Variants in ZNF532 observed in about 807,000 individuals in gnomAD.
ZNF532 encodes zinc finger protein 532.
ZNF532 carries 22 observed loss-of-function variants against 89.3 expected under a neutral mutation model. The observed-to-expected ratio is 0.25, with a 90% CI of 0.18 to 0.35. The LOEUF (loss-of-function observed/expected upper bound fraction) is 0.35, where lower values mean the gene tolerates loss of function less well. Ranked by LOEUF, ZNF532 falls within the 10% of genes least tolerant of loss-of-function variation. The probability of loss-of-function intolerance (pLI) is 1.00; values close to 1 mark genes in which losing one functional copy is unlikely to be tolerated. For synonymous variants in ZNF532, 606 were observed against 649.6 expected, an observed-to-expected ratio of 0.93 and a Z score of 1.02; for missense variants, 1,132 against 1,643.4, an observed-to-expected ratio of 0.69 and a Z score of 5.38.
intron 2 of ZNF532, among the ~76,000 whole-genome samples, chr18:58,893,896 C>A (rs1443155160): frequency 6.6e-6 from 1 of 152,108 alleles, no homozygotes; most frequent in Non-Finnish European, 1.5e-5. Context: ...TGTGGATCAG[C>A]TGGGTGGTTC....
At chr18:58,945,952 A>G (rs1240343076) in intron 5 of ZNF532, among the ~76,000 whole-genome samples, 1 of 152,042 alleles carries the variant, frequency 6.6e-6, no homozygotes, top group Non-Finnish European at 1.5e-5. Flanking sequence ...GTTGGTCTCA[A>G]TCTCCTGACC....
At chr18:58,869,772 T>G (rs1037181741) in intron 2 of ZNF532, among the ~76,000 whole-genome samples, 17 of 149,826 alleles carry the variant, frequency 1.1e-4, no homozygotes, top group African/African-American at 3.9e-4. Context: ...GTTTTTTTTT[T>G]TTTTTTTTTT....
At chr18:58,893,605 C>T (rs1033226940) in intron 2 of ZNF532, among the ~76,000 whole-genome samples, 1 of 148,654 alleles carries the variant, frequency 6.7e-6, no homozygotes, top group African/African-American at 2.5e-5. Flanking sequence ...CACAGTGACT[C>T]GTTATCATGT....
chr18:58,880,773 T>TGTG (rs1568227838), intron 2 of ZNF532, among the ~76,000 whole-genome samples: 1 of 131,744 alleles, frequency 7.6e-6, no homozygotes, highest in Admixed American at 7.7e-5. Flanking sequence ...CGCGCGCGCG[T>TGTG]CTGTGTGTGT....
Position 58,920,462 on chromosome 18 carries a change from G to T in ZNF532, c.2175G>T (p.Gly725=), listed in dbSNP as rs1384570839. ...TVTKIQSGIT[G]TVISAPSSTP... ...CAAAAATTCAGTCTGGCATAACTGG[G>T]ACAGTCATATCGGCTCCTTCAAGCA... The change falls in exon 3 of 10, where the codon GGG becomes GGT. Residue 725 remains glycine, a synonymous_variant. Transcript: ENST00000591808. 1 of 1,613,890 alleles carries T rather than the reference G, an allele frequency of 6.2e-7. No homozygotes were observed. Among genetic ancestry groups the T allele is most frequent in the Admixed American group, 1.7e-5 (1 of 60,014 alleles).
intron 2 of ZNF532, among the ~76,000 whole-genome samples, chr18:58,900,615 G>A (rs150458888): frequency 6.6e-6 from 1 of 152,262 alleles, no homozygotes; most frequent in Non-Finnish European, 1.5e-5. Context: ...TGATCTGGTG[G>A]TCACCTGCCC....
rs760319856 is a variant in ZNF532 at position 58,919,152 on chromosome 18, G to C, written c.865G>C (p.Glu289Gln). 4.3e-6 allele frequency: 7 copies of C among 1,614,072 alleles called. No individual in the cohort carries two copies. The African/African-American group carries it at 9.3e-5, about 22-fold the overall frequency. ...AKKAASDSCK[E>Q]PVANSRESSP... is the part of the protein sequence containing the mutation. ...AAAGGCGGCTTCAGACTCCTGCAAA[G>C]AACCAGTGGCCAATTCGAGGGAATC... Residue 289 changes from glutamate to glutamine, a missense_variant, in exon 3 of 10, where the codon GAA (glutamate) becomes CAA (glutamine). By Grantham distance (29) the Glu-to-Gln change is conservative (BLOSUM62 2). Around this residue, in one of 9 missense-constraint regions of ZNF532, gnomAD observed 302 missense variants for 319.8 expected, o/e 0.94. Transcript: ENST00000591808. This position sits in a 1 kb window ranked among gnomAD's most constrained non-coding sequence, Gnocchi z 6.1.
intron 2 of ZNF532, among the ~76,000 whole-genome samples, chr18:58,868,066 T>C (rs2056639513): frequency 6.6e-6 from 1 of 152,228 alleles, no homozygotes; most frequent in South Asian, 2.1e-4. Flanking sequence ...TCTTGGACTT[T>C]TCCGTGCAAT....
At chr18:58,941,984 CTCCTTCCCT>C (rs773792031) in intron 5 of ZNF532, among the ~76,000 whole-genome samples, 60 of 135,340 alleles carry the variant, frequency 4.4e-4, no homozygotes, top group African/African-American at 1.4e-3. Flanking sequence ...CCCTCCTTCC[CTCCTTCCCT>C]TCCTTCCTTC....
chr18:58,874,481 G>T (rs201041665), intron 2 of ZNF532, among the ~76,000 whole-genome samples: 14,322 of 152,090 alleles, frequency 0.094, 664 homozygotes, highest in Middle Eastern at 0.16. Flanking sequence ...TGTAGCTGGG[G>T]TTACAGGCGC....
intron 7 of ZNF532, among the ~76,000 whole-genome samples, chr18:58,964,589 T>G (rs1005116821): frequency 8.1e-4 from 122 of 150,636 alleles, no homozygotes; most frequent in African/African-American, 2.9e-3. Context: ...GTATACACAG[T>G]TTTTCTTTTT....
At chr18:58,903,350 TG>T (rs2059723378) in intron 2 of ZNF532, among the ~76,000 whole-genome samples, 1 of 152,202 alleles carries the variant, frequency 6.6e-6, no homozygotes, top group Non-Finnish European at 1.5e-5. Flanking sequence ...CAGATTGTAT[TG>T]GGAATTTGGT....
At chr18:58,934,829 G>C (rs953026941) in intron 4 of ZNF532, among the ~76,000 whole-genome samples, 1 of 151,978 alleles carries the variant, frequency 6.6e-6, no homozygotes, top group South Asian at 2.1e-4. Flanking sequence ...GGGTCATGGG[G>C]CCTGTCCTTT....
At position 58,920,058 on chromosome 18, in the gene ZNF532, G is replaced by A; in HGVS notation, c.1771G>A (p.Val591Ile). The A allele has an allele frequency of 1.2e-6, 2 of 1,613,940 alleles. No individual in the cohort carries two copies. The highest frequency in any genetic ancestry group is 1.7e-6 in the Non-Finnish European group (2 of 1,179,850). ...AGCTTTCAACAAGGTGCTGAGCAGT[G>A]TCAATCCAGTCCCTGTTTACATCCC... The part of the protein sequence containing the change: ...VEAFNKVLSS[V>I]NPVPVYIPNL... The change falls in exon 3 of 10, where the codon GTC (valine) becomes ATC (isoleucine). Residue 591 changes from valine to isoleucine, a missense_variant. By Grantham distance (29) the Val-to-Ile change is conservative. Around this residue, in one of 9 missense-constraint regions of ZNF532, gnomAD observed 70 missense variants for 152.1 expected, o/e 0.46. Coordinates refer to ENST00000591808, the MANE Select transcript of ZNF532 (RefSeq NM_001375912.1).
intron 2 of ZNF532, among the ~76,000 whole-genome samples, chr18:58,875,826 G>A (rs564326869): frequency 3.3e-5 from 5 of 151,660 alleles, no homozygotes; most frequent in South Asian, 4.2e-4. Context: ...CATCTTTTCC[G>A]TGTAAAAGCT....
At chr18:58,952,205 C>G (rs375936170) in intron 6 of ZNF532, among the ~76,000 whole-genome samples, 2 of 152,174 alleles carry the variant, frequency 1.3e-5, no homozygotes, top group African/African-American at 4.8e-5. Context: ...GTGTGAGTCT[C>G]TGTGACCCAG....
At chr18:58,888,838 AATTT>A (rs1300273941) in intron 2 of ZNF532, among the ~76,000 whole-genome samples, 1 of 49,890 alleles carries the variant, frequency 2.0e-5, no homozygotes, top group South Asian at 5.8e-4. Flanking sequence ...TTATATATAT[AATTT>A]ATATATATAT....
chr18:58,931,253 G>T (rs1360231123), intron 3 of ZNF532, among the ~76,000 whole-genome samples: 1 of 152,054 alleles, frequency 6.6e-6, no homozygotes, highest in Non-Finnish European at 1.5e-5. Flanking sequence ...CTACTAAGTA[G>T]CTTCAGCTTG....
chr18:58,888,881 TATATATATTTTATA>T (rs1568248880), intron 2 of ZNF532, among the ~76,000 whole-genome samples: 100 of 54,774 alleles, frequency 1.8e-3, no homozygotes, highest in African/African-American at 7.6e-3. Flanking sequence ...ATATATTATA[TATATATATTTTATA>T]TATATATATA....
Sources: gnomAD v4.1 joint callset for allele counts (sites outside exome capture counted in the v4.1 genomes callset) on GRCh38, gnomAD v4.1.1 for gene constraint, gnomAD v4.1.1 regional missense constraint, Gnocchi (gnomAD v3.1) non-coding constraint, MANE v1.5 for transcripts, NCBI Gene and HGNC (gene_info 2026-07-23, HGNC 2026-07-21) for gene names.